The following FGF12 variants were observed in gnomAD, a reference collection of about 807,000 sequenced individuals.
FGF12 encodes fibroblast growth factor 12B.
A neutral mutation model predicts 23.6 loss-of-function variants in FGF12; 14 were observed. That is an observed-to-expected ratio of 0.59 (90% CI 0.39 to 0.93). FGF12 has a LOEUF of 0.93. FGF12 is among the 40% of genes least tolerant of loss of function. FGF12 has a pLI of 0.00. For synonymous variants in FGF12, 62 were observed against 77.3 expected (o/e 0.80, Z 1.04); for missense variants, 175 against 217.8 (o/e 0.80, Z 1.24).
chr3:192,573,759 A>C (rs1262210595), intron 2 of FGF12, among the ~76,000 whole-genome samples: 1 of 152,244 alleles, frequency 6.6e-6, no homozygotes, highest in Non-Finnish European at 1.5e-5. Flanking sequence ...ATTTGGGTAT[A>C]AGAAACAAAC....
intron 2 of FGF12, among the ~76,000 whole-genome samples, chr3:192,400,331 A>G (rs1001750591): frequency 2.0e-5 from 3 of 152,042 alleles, no homozygotes; most frequent in African/African-American, 7.2e-5. Flanking sequence ...ACCATTAAAC[A>G]ATAAATAAAA....
rs532558110 is a variant in FGF12 at position 192,215,426 on chromosome 3, C to T, written c.229-44770G>A. On this transcript the variant is annotated intron_variant, in intron 4 of 5. Coordinates refer to ENST00000445105, the MANE Select transcript of FGF12 (RefSeq NM_004113.6). ...TTAGCACTATAATTGATGGACCTCACATGGCAATTATTCATTGGAGCAATG... is the reference window on the plus strand; with the variant it reads ...TTAGCACTATAATTGATGGACCTCATATGGCAATTATTCATTGGAGCAATG... 1.3e-3 allele frequency among the ~76,000 whole-genome samples: 200 copies of T among 152,290 alleles called. 1 individual carries two copies. The highest frequency in any genetic ancestry group is 4.6e-3 in the African/African-American group (191 of 41,556).
chr3:192,335,486 C>T lies in FGF12; in HGVS notation c.125-22G>A, dbSNP rs200675111. 1,084 of 1,427,778 alleles carry T rather than the reference C, an allele frequency of 7.6e-4. 8 individuals are homozygous for T. Among genetic ancestry groups the T allele is most frequent in the South Asian group, 6.1e-3 (527 of 87,004 alleles). The allele number at this position is 1,427,778 out of a possible 1,614,324, so 88.4% of individuals were successfully genotyped here. A position where few individuals can be genotyped will look rare whatever the true frequency, so the allele number is the denominator to read the frequency against. ...AGAGCTGGGGGGAGAAAAAGAAGGG[C>T]GGAAAGGATCAGTGACCTTTTGAAT... On this transcript the variant is annotated intron_variant, in intron 3 of 5. Transcript: ENST00000445105.
At chr3:192,292,296 AT>A (rs113462379) in intron 4 of FGF12, among the ~76,000 whole-genome samples, 2,279 of 145,844 alleles carry the variant, frequency 0.016, 20 homozygotes, top group African/African-American at 0.035. Flanking sequence ...ATACCAAACA[AT>A]TTTTTTTTTT....
intron 4 of FGF12, among the ~76,000 whole-genome samples, chr3:192,186,354 AC>A (rs1716466413): frequency 6.6e-6 from 1 of 152,218 alleles, no homozygotes; most frequent in Non-Finnish European, 1.5e-5. Flanking sequence ...GTTCATGACT[AC>A]GTGGTGCCAC....
chr3:192,267,735 T>G (rs74382054), intron 4 of FGF12, among the ~76,000 whole-genome samples: 4,591 of 152,288 alleles, frequency 0.03, 172 homozygotes, highest in African/African-American at 0.094. Flanking sequence ...TACATCAATT[T>G]GCTGTATAAT....
intron 2 of FGF12, among the ~76,000 whole-genome samples, chr3:192,723,350 C>T (rs1719098459): frequency 6.6e-6 from 1 of 151,948 alleles, no homozygotes; most frequent in Admixed American, 6.6e-5. Flanking sequence ...CATGAGCCTT[C>T]ATAATGATTA....
intron 2 of FGF12, among the ~76,000 whole-genome samples, chr3:192,585,476 T>A (rs926908551): frequency 4.6e-5 from 7 of 152,122 alleles, no homozygotes; most frequent in Non-Finnish European, 1.0e-4. Context: ...AGTTTCCTGC[T>A]CCCACTCTAA....
intron 2 of FGF12, among the ~76,000 whole-genome samples, chr3:192,714,333 T>C (rs948760070): frequency 1.3e-5 from 2 of 152,046 alleles, no homozygotes; most frequent in Non-Finnish European, 2.9e-5. Flanking sequence ...AAATATGCCA[T>C]TGAAAGTGAT....
chr3:192,581,575 C>A (rs1713159455), intron 2 of FGF12, among the ~76,000 whole-genome samples: 1 of 151,152 alleles, frequency 6.6e-6, no homozygotes, highest in Admixed American at 6.6e-5. Flanking sequence ...TCTAAAATTT[C>A]TTGACTTTGT....
chr3:192,227,182 A>G (rs770904304), intron 4 of FGF12, among the ~76,000 whole-genome samples: 1 of 152,184 alleles, frequency 6.6e-6, no homozygotes, highest in Non-Finnish European at 1.5e-5. Context: ...TACATATACA[A>G]TAAAGGAATG....
chr3:192,335,550 A>T (rs1226113963), intron 3 of FGF12, 86 bp from the exon 4 acceptor site: 1 of 847,860 alleles, frequency 1.2e-6, no homozygotes, highest in Non-Finnish European at 1.9e-6. Flanking sequence ...GAGAATTAAA[A>T]CCTATTAATT....
At chr3:192,309,497 A>C (rs990245315) in intron 4 of FGF12, among the ~76,000 whole-genome samples, 1 of 152,162 alleles carries the variant, frequency 6.6e-6, no homozygotes, top group Non-Finnish European at 1.5e-5. Flanking sequence ...TTTGCCTTCA[A>C]GATGCTGATA....
At chr3:192,275,555 T>C (rs1454702800) in intron 4 of FGF12, among the ~76,000 whole-genome samples, 1 of 152,218 alleles carries the variant, frequency 6.6e-6, no homozygotes, top group Non-Finnish European at 1.5e-5. Context: ...GAATTATATC[T>C]ACCTGTTGGG....
At position 192,180,021 on chromosome 3, in the gene FGF12, C is replaced by T. The variant is rs190600570; in HGVS notation, c.229-9365G>A. Among the ~76,000 whole-genome samples the T allele has an allele frequency of 6.6e-5, 10 of 152,212 alleles. No individual in the cohort carries two copies. The South Asian group carries it at 8.3e-4, about 13-fold the overall frequency. On this transcript the variant is annotated intron_variant, in intron 4 of 5. Coordinates refer to ENST00000445105, the MANE Select transcript of FGF12 (RefSeq NM_004113.6). Reference sequence around the variant, plus strand: ...TCACTGTAGTTGTGGATCCACATAACGTGTCATGAGGATCTCTTACCTGTG... The same window carrying T: ...TCACTGTAGTTGTGGATCCACATAATGTGTCATGAGGATCTCTTACCTGTG...
chr3:192,533,281 A>G (rs1302483374), intron 2 of FGF12, among the ~76,000 whole-genome samples: 1 of 152,142 alleles, frequency 6.6e-6, no homozygotes, highest in Non-Finnish European at 1.5e-5. Flanking sequence ...AATTACTTCA[A>G]GTCTACAATC....
Position 192,509,956 on chromosome 3 carries a change from TACTC to T in FGF12, c.14-149422_14-149419del, listed in dbSNP as rs533871950. ...AATACACTAACTTAAAAATTGAAGT[TACTC>T]ACAAAAAGAAGTTTTAACTTTTTAT... On this transcript the variant is annotated intron_variant, in intron 2 of 5. Coordinates refer to ENST00000445105, the MANE Select transcript of FGF12 (RefSeq NM_004113.6). 1.5e-3 allele frequency among the ~76,000 whole-genome samples: 231 copies of T among 152,324 alleles called. 1 individual carries two copies. The Middle Eastern group carries it at 0.02, about 13-fold the overall frequency.
chr3:192,450,516 T>C (rs1722490245), intron 2 of FGF12, among the ~76,000 whole-genome samples: 1 of 152,178 alleles, frequency 6.6e-6, no homozygotes, highest in South Asian at 2.1e-4. Flanking sequence ...ATCCTAACTT[T>C]TGATGAAATA....
rs1714320051 is a variant in FGF12 at position 192,155,153 on chromosome 3, T to C, written c.428-11026A>G. 3.3e-5 allele frequency among the ~76,000 whole-genome samples: 5 copies of C among 152,052 alleles called. No individual in the cohort carries two copies. In the South Asian group the frequency reaches 1.0e-3, roughly 32 times the overall value. The stretch of plus-strand genomic sequence containing the variant: ...CCCTTGCGCTTCCCAGGTGAGGCAA[T>C]GCCTCGCCCTGCTTCGGCTCGCGCA... On this transcript the variant is annotated intron_variant, in intron 5 of 5. Coordinates refer to ENST00000445105, the MANE Select transcript of FGF12 (RefSeq NM_004113.6).
Sources: allele counts gnomAD v4.1 joint callset (sites outside exome capture counted in the v4.1 genomes callset), GRCh38; gene constraint gnomAD v4.1.1; transcripts MANE v1.5; gene names NCBI Gene and HGNC (gene_info 2026-07-23, HGNC 2026-07-21).